Variants in FBLN5 observed in about 807,000 individuals in gnomAD.
FBLN5 encodes the protein fibulin-5.
FBLN5 carries 24 observed loss-of-function variants against 61.6 expected under a neutral mutation model. That is an observed-to-expected ratio of 0.39 (90% CI 0.28 to 0.55). The LOEUF is 0.55. Among genes scored for constraint, FBLN5 ranks in the 20% least tolerant of loss-of-function variants. FBLN5 has a pLI of 0.65. For missense variants in FBLN5, 470 were observed against 594.1 expected (o/e 0.79, Z 2.17); for synonymous variants, 213 against 219.8 (o/e 0.97, Z 0.27).
At chr14:91,919,377 A>C (rs1289130374) in intron 4 of FBLN5, among the ~76,000 whole-genome samples, 1 of 85,776 alleles carries the variant, frequency 1.2e-5, no homozygotes, top group African/African-American at 3.9e-5. Context: ...AAAAGAAAAG[A>C]AAAGAAAGAA....
At chr14:91,924,869 C>A (rs182711308) in intron 4 of FBLN5, among the ~76,000 whole-genome samples, 1 of 152,164 alleles carries the variant, frequency 6.6e-6, no homozygotes, top group East Asian at 1.9e-4. Flanking sequence ...CCTGTCCCCA[C>A]GGAGAAGGCC....
intron 6 of FBLN5, among the ~76,000 whole-genome samples, chr14:91,888,806 G>C (rs948021314): frequency 6.6e-6 from 1 of 152,080 alleles, no homozygotes; most frequent in African/African-American, 2.4e-5. Flanking sequence ...ATCGTGCGGG[G>C]AGGGCAGGGA....
intron 4 of FBLN5, among the ~76,000 whole-genome samples, chr14:91,901,952 G>A (rs919378276): frequency 4.6e-5 from 7 of 152,166 alleles, no homozygotes; most frequent in Non-Finnish European, 8.8e-5. Flanking sequence ...TCCCTAAAGC[G>A]AGAGCTGGAG....
chr14:91,894,257 G>A (rs1890114665), intron 5 of FBLN5, among the ~76,000 whole-genome samples: 1 of 151,160 alleles, frequency 6.6e-6, no homozygotes, highest in Non-Finnish European at 1.5e-5. Context: ...ATATTAGCTG[G>A]GCATGGTGGC....
chr14:91,921,206 G>T (rs1449764299), intron 4 of FBLN5, among the ~76,000 whole-genome samples: 2 of 152,146 alleles, frequency 1.3e-5, no homozygotes, highest in Non-Finnish European at 2.9e-5. Flanking sequence ...GCATGAAAAA[G>T]TTAAAGAAAA....
At chr14:91,875,802 T>C (rs759740994) in intron 10 of FBLN5, among the ~76,000 whole-genome samples, 10 of 152,092 alleles carry the variant, frequency 6.6e-5, no homozygotes, top group Non-Finnish European at 1.5e-4. Flanking sequence ...AACTTCACAG[T>C]GGGTAAGAGA....
intron 4 of FBLN5, 84 bp downstream of exon 4, chr14:91,936,863 A>G: frequency 6.6e-7 from 1 of 1,512,870 alleles, no homozygotes; most frequent in Non-Finnish European, 9.2e-7. Context: ...GGCAACTAAC[A>G]ACCCATTTGT....
rs2430347 is a variant in FBLN5 at position 91,881,336 on chromosome 14, A to G, written c.945T>C (p.Ile315=). The G allele has an allele frequency of 0.74, 1,201,871 of 1,613,648 alleles. 449,305 individuals carry two copies. The highest frequency in any genetic ancestry group is 0.86 in the East Asian group (38,639 of 44,878). Residue 315 remains isoleucine, a synonymous_variant, in exon 9 of 11, where the codon ATT becomes ATC. Transcript: ENST00000342058. ...AAGGCTCCTCACAGCGGATGGGGTC[A>G]ATGCATTTGAAGCCCCCTTGTAAAT... is the stretch of plus-strand genomic sequence containing the variant. The part of the protein sequence containing the change: ...CYNLQGGFKC[I]DPIRCEEPYL...
At chr14:91,898,681 C>T (rs1890324816) in intron 4 of FBLN5, among the ~76,000 whole-genome samples, 1 of 152,040 alleles carries the variant, frequency 6.6e-6, no homozygotes, top group South Asian at 2.1e-4. Flanking sequence ...CATGGGCAAA[C>T]AGGGTCTGCT....
intron 1 of FBLN5, chr14:91,946,574 A>T (rs911679377): frequency 1.4e-6 from 1 of 707,720 alleles, no homozygotes. Context: ...CACAAGGTTA[A>T]TTTGTTCAAA....
intron 4 of FBLN5, among the ~76,000 whole-genome samples, chr14:91,907,039 A>G (rs546195202): frequency 6.6e-6 from 1 of 152,234 alleles, no homozygotes; most frequent in Non-Finnish European, 1.5e-5. Flanking sequence ...AAGACACCAC[A>G]TGGATCTAGA....
At chr14:91,887,427 G>A in intron 6 of FBLN5, 115 bp from the exon 7 acceptor site, 2 of 1,073,778 alleles carry the variant, frequency 1.9e-6, no homozygotes, top group Non-Finnish European at 2.8e-6. Flanking sequence ...AGAGTCCCAG[G>A]TACCAAGGCT....
In FBLN5 at chr14:91,947,027, C is replaced by A. The variant is rs1233867217; in HGVS notation, c.17+186G>T. The A allele has an allele frequency of 6.6e-7, 1 of 1,523,470 alleles. No individual in the cohort carries two copies. The highest frequency in any genetic ancestry group is 1.4e-5 in the African/African-American group (1 of 71,426). 94.4% of individuals were successfully genotyped at this position (1,523,470 alleles called of 1,614,324 possible). A position where few individuals can be genotyped will look rare whatever the true frequency, so the allele number is the denominator to read the frequency against. Reference sequence around the variant, plus strand: ...TAGAAAATACCCACTCCCAAAAGAACGCTTCAAGATGGAAATTACAGAGGC... The same window carrying A: ...TAGAAAATACCCACTCCCAAAAGAAAGCTTCAAGATGGAAATTACAGAGGC... On this transcript the variant is annotated intron_variant, in intron 1 of 10. Transcript: ENST00000342058. This position sits in a 1 kb window ranked among gnomAD's most constrained non-coding sequence, Gnocchi z 4.3.
chr14:91,940,027 C>A, intron 3 of FBLN5: 1 of 448,494 alleles, frequency 2.2e-6, no homozygotes, highest in Non-Finnish European at 4.4e-6. Flanking sequence ...GAGGGAGGAG[C>A]CACCAGCCAA....
chr14:91,912,253 T>C (rs1890979587), intron 4 of FBLN5, among the ~76,000 whole-genome samples: 1 of 152,128 alleles, frequency 6.6e-6, no homozygotes, highest in Non-Finnish European at 1.5e-5. Flanking sequence ...TCCCAACACT[T>C]TGGAAGGTTA....
At chr14:91,919,649 GTCC>G (rs2055699922) in intron 4 of FBLN5, among the ~76,000 whole-genome samples, 1 of 152,184 alleles carries the variant, frequency 6.6e-6, no homozygotes. Context: ...AATGTCTAGT[GTCC>G]TCCTAAGAAG....
chr14:91,876,244 A>G (rs1472572145), intron 10 of FBLN5, among the ~76,000 whole-genome samples: 1 of 152,166 alleles, frequency 6.6e-6, no homozygotes, highest in African/African-American at 2.4e-5. Context: ...CCTTATCGGG[A>G]AGATTTCTGT....
At chr14:91,890,562 T>A (rs929853092) in intron 6 of FBLN5, among the ~76,000 whole-genome samples, 1 of 152,216 alleles carries the variant, frequency 6.6e-6, no homozygotes, top group Admixed American at 6.5e-5. Context: ...GAAGAAACCT[T>A]CAGATGGAAA....
chr14:91,905,525 C>G (rs1412453789), intron 4 of FBLN5, among the ~76,000 whole-genome samples: 3 of 151,726 alleles, frequency 2.0e-5, no homozygotes, highest in African/African-American at 7.3e-5. Context: ...TGCCAGCTGG[C>G]TCTTTCACAA....
Sources: gnomAD v4.1 joint callset for allele counts (sites outside exome capture counted in the v4.1 genomes callset) on GRCh38, gnomAD v4.1.1 for gene constraint, Gnocchi (gnomAD v3.1) non-coding constraint, MANE v1.5 for transcripts, NCBI Gene and HGNC (gene_info 2026-07-23, HGNC 2026-07-21) for gene names.